LAMA2: variants seen among roughly 807,000 people sequenced by gnomAD.
The protein encoded by LAMA2 is laminin subunit alpha 2.
In LAMA2, 269 loss-of-function variants were observed where a neutral mutation model predicts 364.8. The ratio of observed to expected loss-of-function variants is 0.74; its 90% CI spans 0.67 to 0.82. LAMA2 has a LOEUF of 0.82. LAMA2 is among the 40% of genes least tolerant of loss of function. The pLI is 0.00. For synonymous variants in LAMA2, 1,379 were observed against 1,370.6 expected (o/e 1.01, Z -0.14); for missense variants, 3,807 against 3,873.2 (o/e 0.98, Z 0.45).
chr6:129,492,127 G>C (rs766090198), intron 57 of LAMA2, 50 bp downstream of exon 57: 1 of 1,538,294 alleles, frequency 6.5e-7, no homozygotes. Context: ...TTTATTTCTT[G>C]CTATTAGGGG....
In LAMA2 at chr6:129,314,720, T is replaced by G; in HGVS notation, c.3477T>G (p.Asn1159Lys). The G allele has an allele frequency of 6.2e-7, 1 of 1,613,836 alleles. No homozygotes were observed. Among genetic ancestry groups the G allele is most frequent in the Non-Finnish European group, 8.5e-7 (1 of 1,179,942 alleles). Residue 1159 changes from asparagine to lysine, a missense_variant, in exon 24 of 65, where the codon AAT becomes AAG. Asn to Lys is a moderately conservative substitution (Grantham distance 94, BLOSUM62 0). Coordinates refer to ENST00000421865, the MANE Select transcript of LAMA2 (RefSeq NM_000426.4). The stretch of plus-strand genomic sequence containing the variant: ...GCAAATTCGGACTCGATGCCAAGAA[T>G]CCACTTGGCTGCAGCAGCTGCTATT... Reference protein sequence around the residue: ...RPGKFGLDAKNPLGCSSCYCF... With the variant: ...RPGKFGLDAKKPLGCSSCYCF...
At chr6:129,303,070 G>A (rs1021911630) in intron 22 of LAMA2, among the ~76,000 whole-genome samples, 4 of 152,052 alleles carry the variant, frequency 2.6e-5, no homozygotes, top group African/African-American at 9.7e-5. Context: ...AAAAGTATTA[G>A]ATATCCCAGT....
chr6:128,921,954 G>A (rs948992711), intron 1 of LAMA2, among the ~76,000 whole-genome samples: 53 of 147,700 alleles, frequency 3.6e-4, no homozygotes, highest in Admixed American at 4.2e-4. Context: ...GAGAATATGC[G>A]GTGTTTGGTT....
intron 29 of LAMA2, among the ~76,000 whole-genome samples, chr6:129,333,677 T>C (rs936550994): frequency 6.6e-5 from 10 of 152,154 alleles, no homozygotes; most frequent in African/African-American, 2.4e-4. Flanking sequence ...ACAAATTCAA[T>C]AGGCAATTTG....
chr6:129,300,798 C>G lies in LAMA2; in HGVS notation c.3100C>G (p.Pro1034Ala), dbSNP rs1773501159. The change falls in exon 22 of 65, where the codon CCC becomes GCC. Residue 1034 changes from proline to alanine, a missense_variant. Transcript: ENST00000421865. ...AAAGACTGGGCGATGCATTTGCCCT[C>G]CCAATACCATTGGAGAGAAATGTTC... Reference protein sequence around the residue: ...DPKTGRCICPPNTIGEKCSKC... With the variant: ...DPKTGRCICPANTIGEKCSKC... 2.5e-6 allele frequency: 4 copies of G among 1,613,270 alleles called. No individual in the cohort carries two copies. The highest frequency in any genetic ancestry group is 2.5e-6 in the Non-Finnish European group (3 of 1,179,368).
chr6:129,053,364 C>A (rs570817591), intron 2 of LAMA2, among the ~76,000 whole-genome samples: 1 of 152,016 alleles, frequency 6.6e-6, no homozygotes, highest in African/African-American at 2.4e-5. Flanking sequence ...TGCGCCCGGC[C>A]GACTCTGGTG....
At chr6:129,393,353 C>A in intron 37 of LAMA2, 98 bp downstream of exon 37, 2 of 921,882 alleles carry the variant, frequency 2.2e-6, no homozygotes, top group Non-Finnish European at 1.8e-6. Context: ...TGCACATTTA[C>A]AAAAGTCAAG....
intron 1 of LAMA2, among the ~76,000 whole-genome samples, chr6:128,933,049 A>G (rs1176588291): frequency 1.3e-5 from 2 of 152,118 alleles, no homozygotes; most frequent in Non-Finnish European, 1.5e-5. Flanking sequence ...CTCTGCTTCT[A>G]TGAGTTCAAC....
intron 55 of LAMA2, among the ~76,000 whole-genome samples, chr6:129,483,220 T>A: frequency 7.7e-6 from 1 of 130,306 alleles, no homozygotes; most frequent in East Asian, 2.1e-4. Context: ...TCCTTAGCCA[T>A]CTATAAAAAA....
chr6:129,200,345 T>TACAC (rs1562324560), intron 12 of LAMA2, among the ~76,000 whole-genome samples: 1 of 124,430 alleles, frequency 8.0e-6, no homozygotes, highest in Non-Finnish European at 1.9e-5. Flanking sequence ...TACACGTATA[T>TACAC]GTGTACACAT....
chr6:129,354,996 C>T (rs566848934), intron 32 of LAMA2, among the ~76,000 whole-genome samples: 1 of 152,228 alleles, frequency 6.6e-6, no homozygotes, highest in Middle Eastern at 3.4e-3. Flanking sequence ...TTGCTTTATT[C>T]TTGCCCCACA....
At chr6:129,227,346 C>T (rs1784367345) in intron 12 of LAMA2, among the ~76,000 whole-genome samples, 1 of 152,204 alleles carries the variant, frequency 6.6e-6, no homozygotes, top group African/African-American at 2.4e-5. Flanking sequence ...AAGTCATTCT[C>T]CATCCAGCTT....
Position 128,883,965 on chromosome 6 carries a change from C to A in LAMA2, c.112+608C>A, listed in dbSNP as rs186462925. Among the ~76,000 whole-genome samples, 898 of 152,106 alleles carry A rather than the reference C, an allele frequency of 5.9e-3. 7 individuals carry two copies. Among genetic ancestry groups the A allele is most frequent in the Middle Eastern group, 0.01 (3 of 292 alleles). On this transcript the variant is annotated intron_variant, in intron 1 of 64. Transcript: ENST00000421865. ...AGCCTCACCTTTTTCAAACCCACAT[C>A]TTATCTTCATATCCTATTTTATTGT...
At chr6:129,084,547 G>A (rs1774259839) in intron 3 of LAMA2, among the ~76,000 whole-genome samples, 1 of 152,104 alleles carries the variant, frequency 6.6e-6, no homozygotes, top group South Asian at 2.1e-4. Context: ...TTTAATAGTT[G>A]TACTGTTGTT....
At position 129,314,772 on chromosome 6, in the gene LAMA2, G is replaced by C. The variant is rs1774472701; in HGVS notation, c.3529G>C (p.Glu1177Gln). 3 of 1,614,082 alleles carry C rather than the reference G, an allele frequency of 1.9e-6. No homozygotes were observed. ...CTTCGGCACTACTACCCAGTGCTCT[G>C]AAGCAAAAGGACTGATCCGGACGTG... is the stretch of plus-strand genomic sequence containing the variant. ...YCFGTTTQCS[E>Q]AKGLIRTWVT... The change falls in exon 24 of 65, where the codon GAA (glutamate) becomes CAA (glutamine). Residue 1177 changes from glutamate (E) to glutamine (Q), a missense_variant. Transcript: ENST00000421865.
intron 51 of LAMA2, among the ~76,000 whole-genome samples, chr6:129,467,405 A>G (rs1725877984): frequency 6.6e-6 from 1 of 151,868 alleles, no homozygotes; most frequent in African/African-American, 2.4e-5. Flanking sequence ...CCTGTTGGGT[A>G]CAGTGTTCAC....
intron 1 of LAMA2, among the ~76,000 whole-genome samples, chr6:128,983,182 C>G (rs1049710105): frequency 6.6e-5 from 10 of 152,036 alleles, no homozygotes; most frequent in African/African-American, 1.9e-4. Context: ...CCTGAGGAAT[C>G]GCCACACTGA....
At chr6:129,159,127 A>G (rs1779306419) in intron 8 of LAMA2, 19 of 1,565,484 alleles carry the variant, frequency 1.2e-5, no homozygotes, top group Non-Finnish European at 1.6e-5. Context: ...TCATTGTTCA[A>G]TTGTAATGTT....
chr6:129,095,787 A>G (rs1334303539), intron 3 of LAMA2, among the ~76,000 whole-genome samples: 4 of 151,264 alleles, frequency 2.6e-5, no homozygotes, highest in African/African-American at 9.7e-5. Context: ...AGCCAGGCGC[A>G]GTGGCACCTG....
Sources: gnomAD v4.1 joint callset for allele counts (sites outside exome capture counted in the v4.1 genomes callset) on GRCh38, gnomAD v4.1.1 for gene constraint, MANE v1.5 for transcripts, NCBI Gene and HGNC (gene_info 2026-07-23, HGNC 2026-07-21) for gene names.